The following UGT2A2 variants were observed in gnomAD, a reference collection of about 807,000 sequenced individuals.
UGT2A2 encodes UDP glucuronosyltransferase family 2 member A2, also known as UDP-glucuronosyltransferase 2A2.
A neutral mutation model predicts 50.7 loss-of-function variants in UGT2A2; 60 were observed. The observed-to-expected ratio is 1.18, with a 90% CI of 0.96 to 1.47. The LOEUF (loss-of-function observed/expected upper bound fraction) is 1.47. Among genes scored for constraint, UGT2A2 ranks in the 40% most tolerant of loss-of-function variants. The pLI is 0.00. For missense variants in UGT2A2, 762 were observed against 634.0 expected (o/e 1.20, Z -2.17); for synonymous variants, 242 against 214.6 (o/e 1.13, Z -1.11).
intron 1 of UGT2A2, among the ~76,000 whole-genome samples, chr4:69,624,536 CT>C (rs914045975): frequency 1.3e-4 from 20 of 150,792 alleles, no homozygotes; most frequent in Admixed American, 2.0e-4. Context: ...CTTTTTTGTT[CT>C]TTTTTTCTTT....
intron 1 of UGT2A2, among the ~76,000 whole-genome samples, chr4:69,612,714 A>T (rs932392779): frequency 6.6e-6 from 1 of 152,154 alleles, no homozygotes; most frequent in East Asian, 1.9e-4. Flanking sequence ...AATTTACCCT[A>T]TAAAAACATT....
chr4:69,626,462 T>C (rs1241851930), intron 1 of UGT2A2, among the ~76,000 whole-genome samples: 1 of 151,662 alleles, frequency 6.6e-6, no homozygotes, highest in African/African-American at 2.4e-5. Flanking sequence ...TGTTTCAGTA[T>C]TTTCCTTACA....
At chr4:69,591,971 A>G (rs1718618639) in intron 5 of UGT2A2, among the ~76,000 whole-genome samples, 1 of 152,318 alleles carries the variant, frequency 6.6e-6, no homozygotes, top group Non-Finnish European at 1.5e-5. Flanking sequence ...TACAACATGT[A>G]CGTATTAATA....
chr4:69,616,581 G>A lies in UGT2A2; in HGVS notation c.743-17187C>T, dbSNP rs184882934. On this transcript the variant is annotated intron_variant, in intron 1 of 5. Coordinates refer to ENST00000604629, the MANE Select transcript of UGT2A2 (RefSeq NM_001105677.2). ...ACCCCACCAACAAAAAGGAACTGAAGTGTTTGCAACTTCCAGTTTACCATT... is the reference window on the plus strand; with the variant it reads ...ACCCCACCAACAAAAAGGAACTGAAATGTTTGCAACTTCCAGTTTACCATT... Among the ~76,000 whole-genome samples, 85 of 152,046 alleles carry A rather than the reference G, an allele frequency of 5.6e-4. 1 individual carries two copies. The East Asian group carries it at 0.016, about 28-fold the overall frequency.
intron 1 of UGT2A2, among the ~76,000 whole-genome samples, chr4:69,631,073 T>C (rs909070097): frequency 6.6e-6 from 1 of 152,124 alleles, no homozygotes; most frequent in African/African-American, 2.4e-5. Flanking sequence ...ACTATAACAC[T>C]ACTTTCTCAT....
rs983841949 is a variant in UGT2A2 at position 69,604,328 on chromosome 4, G to A, written c.743-4934C>T. On this transcript the variant is annotated intron_variant, in intron 1 of 5. Transcript: ENST00000604629. ...TATCTAGCCAAACTAAGCTTCATAA[G>A]AGGAGAAGGAGAAATAAAATACTTT... Among the ~76,000 whole-genome samples the A allele has an allele frequency of 6.2e-5, 6 of 97,224 alleles. 1 individual carries two copies. Among genetic ancestry groups the A allele is most frequent in the African/African-American group, 2.4e-4 (6 of 25,028 alleles). The allele number at this position is 97,224 out of a possible 152,430, so 63.8% of individuals were successfully genotyped here.
chr4:69,599,579 G>T, intron 1 of UGT2A2, 185 bp from the exon 2 acceptor site: 2 of 846,712 alleles, frequency 2.4e-6, no homozygotes, highest in Non-Finnish European at 3.2e-6. Flanking sequence ...AAAGGAAGGA[G>T]GAAGGAAGAA....
chr4:69,614,958 A>C (rs926415977), intron 1 of UGT2A2, among the ~76,000 whole-genome samples: 1 of 152,058 alleles, frequency 6.6e-6, no homozygotes, highest in African/African-American at 2.4e-5. Flanking sequence ...ACATCTTCAC[A>C]TGGTGGCAGG....
At chr4:69,616,246 G>C (rs909314418) in intron 1 of UGT2A2, among the ~76,000 whole-genome samples, 9 of 151,898 alleles carry the variant, frequency 5.9e-5, no homozygotes, top group Admixed American at 1.3e-4. Flanking sequence ...TTGGGGGGTG[G>C]GGAGGGTATA....
intron 1 of UGT2A2, among the ~76,000 whole-genome samples, chr4:69,619,281 G>A (rs1038426583): frequency 5.9e-5 from 9 of 151,672 alleles, no homozygotes; most frequent in Non-Finnish European, 1.2e-4. Flanking sequence ...CATGCGTGTA[G>A]TCCAGCTACT....
chr4:69,610,000 C>T (rs987812757), intron 1 of UGT2A2, among the ~76,000 whole-genome samples: 1 of 152,096 alleles, frequency 6.6e-6, no homozygotes, highest in African/African-American at 2.4e-5. Context: ...GAGGAAATAA[C>T]ATATAACTAG....
chr4:69,616,850 T>TG (rs1720433610), intron 1 of UGT2A2, among the ~76,000 whole-genome samples: 1 of 129,438 alleles, frequency 7.7e-6, no homozygotes, highest in African/African-American at 2.9e-5. Context: ...TTTTTTTTTT[T>TG]GAATAGTGGT....
At chr4:69,622,326 G>C (rs1720801427) in intron 1 of UGT2A2, among the ~76,000 whole-genome samples, 1 of 151,658 alleles carries the variant, frequency 6.6e-6, no homozygotes, top group South Asian at 2.1e-4. Flanking sequence ...CAAAAAGTTA[G>C]AGATCAAAAC....
chr4:69,621,297 T>G (rs1386302132), intron 1 of UGT2A2, among the ~76,000 whole-genome samples: 4 of 151,758 alleles, frequency 2.6e-5, no homozygotes, highest in Admixed American at 1.3e-4. Flanking sequence ...TAAACAAACT[T>G]ACAAGAAAGA....
chr4:69,600,094 G>A (rs1275031269), intron 1 of UGT2A2, among the ~76,000 whole-genome samples: 1 of 152,166 alleles, frequency 6.6e-6, no homozygotes, highest in Non-Finnish European at 1.5e-5. Flanking sequence ...GTGGTGGGCA[G>A]CAGCCTATCC....
chr4:69,610,159 A>G (rs1317537427), intron 1 of UGT2A2, among the ~76,000 whole-genome samples: 1 of 152,152 alleles, frequency 6.6e-6, no homozygotes, highest in Non-Finnish European at 1.5e-5. Context: ...AAATACATGC[A>G]TATTTTAAAA....
At chr4:69,601,408 G>A (rs1475699330) in intron 1 of UGT2A2, among the ~76,000 whole-genome samples, 2 of 152,110 alleles carry the variant, frequency 1.3e-5, no homozygotes, top group African/African-American at 2.4e-5. Flanking sequence ...CTACTCCTGG[G>A]TAACATAAGG....
In UGT2A2 at chr4:69,594,496, T is replaced by C. The variant is rs1718789903; in HGVS notation, c.1312A>G (p.Thr438Ala). Residue 438 changes from threonine to alanine, a missense_variant, in exon 5 of 6, where the codon ACA becomes GCA. Coordinates refer to ENST00000604629, the MANE Select transcript of UGT2A2 (RefSeq NM_001105677.2). The stretch of plus-strand genomic sequence containing the variant: ...ACTTACGAAGGTTCATTAATGACTG[T>C]TCTCAAAGCGCTAAGCAAATCCACA... ...TSVDLLSALR[T>A]VINEPSYKEN... 18 of 1,614,184 alleles carry C rather than the reference T, an allele frequency of 1.1e-5. No individual in the cohort carries two copies. Among genetic ancestry groups the C allele is most frequent in the Non-Finnish European group, 1.4e-5 (17 of 1,180,030 alleles).
At chr4:69,623,884 C>T (rs868237165) in intron 1 of UGT2A2, among the ~76,000 whole-genome samples, 1 of 151,264 alleles carries the variant, frequency 6.6e-6, no homozygotes, top group African/African-American at 2.4e-5. Flanking sequence ...AAAATACAAA[C>T]AAGAAAGATA....
Sources: allele counts gnomAD v4.1 joint callset (sites outside exome capture counted in the v4.1 genomes callset), GRCh38; gene constraint gnomAD v4.1.1; transcripts MANE v1.5; gene names NCBI Gene and HGNC (gene_info 2026-07-23, HGNC 2026-07-21).